ERBB4: variants seen among roughly 807,000 people sequenced by gnomAD.
ERBB4 encodes the protein receptor tyrosine-protein kinase erbB-4.
In ERBB4, 42 loss-of-function variants were observed where a neutral mutation model predicts 158.0. That is an observed-to-expected ratio of 0.27 (90% CI 0.21 to 0.34). The LOEUF is 0.34. Ranked by LOEUF, ERBB4 falls within the 10% of genes least tolerant of loss-of-function variation. ERBB4 has a pLI of 1.00. For synonymous variants in ERBB4, 583 were observed against 558.7 expected, an observed-to-expected ratio of 1.04 and a Z score of -0.61; for missense variants, 1,333 against 1,624.1, an observed-to-expected ratio of 0.82 and a Z score of 3.08.
chr2:212,006,169 G>T (rs1435140158), intron 2 of ERBB4, among the ~76,000 whole-genome samples: 1 of 152,080 alleles, frequency 6.6e-6, no homozygotes, highest in Non-Finnish European at 1.5e-5. Flanking sequence ...GTGTTTGGAG[G>T]TATTTAGAAG....
intron 1 of ERBB4, among the ~76,000 whole-genome samples, chr2:212,527,894 C>T (rs1692537854): frequency 7.1e-6 from 1 of 141,344 alleles, no homozygotes; most frequent in East Asian, 2.1e-4. Context: ...TGATGTTCCC[C>T]TTCCTGTGTC....
chr2:212,494,340 A>C (rs188007774), intron 1 of ERBB4, among the ~76,000 whole-genome samples: 67 of 152,156 alleles, frequency 4.4e-4, no homozygotes, highest in Non-Finnish European at 2.9e-5. Context: ...TAACTTTGAA[A>C]TGTGCACACA....
chr2:211,406,184 T>C (rs1327300554), intron 25 of ERBB4, among the ~76,000 whole-genome samples: 1 of 152,222 alleles, frequency 6.6e-6, no homozygotes, highest in Non-Finnish European at 1.5e-5. Context: ...GTCCCTATTA[T>C]AACACTTTCT....
intron 12 of ERBB4, among the ~76,000 whole-genome samples, chr2:211,698,091 C>T (rs140379936): frequency 3.9e-5 from 6 of 151,988 alleles, no homozygotes; most frequent in East Asian, 1.9e-4. Context: ...CCGAGGCGGG[C>T]GGATCACCTG....
rs144045063 is a variant in ERBB4, at chr2:211,960,294, C to A, written c.235-12678G>T. ...GGCTCAAGAACCAATTGGAAGAGAC[C>A]CTTCCTGGCCAATGATGAGGTAACT... On this transcript the variant is annotated intron_variant, in intron 2 of 27. Transcript: ENST00000342788. 1.2e-3 allele frequency among the ~76,000 whole-genome samples: 179 copies of A among 152,024 alleles called. 1 individual carries two copies. Among genetic ancestry groups the A allele is most frequent in the Middle Eastern group, 0.01 (3 of 294 alleles).
chr2:212,493,302 T>C (rs1029019092), intron 1 of ERBB4, among the ~76,000 whole-genome samples: 7 of 151,560 alleles, frequency 4.6e-5, no homozygotes, highest in African/African-American at 1.7e-4. Flanking sequence ...AATCATCTTA[T>C]ATATATTCAA....
rs1204127479 is a variant in ERBB4 at position 211,891,711 on chromosome 2, A to G, written c.421+55719T>C. Among the ~76,000 whole-genome samples, 5 of 138,580 alleles carry G rather than the reference A, an allele frequency of 3.6e-5. 1 individual carries two copies. Among genetic ancestry groups the G allele is most frequent in the Non-Finnish European group, 7.7e-5 (5 of 64,722 alleles). 90.9% of individuals were successfully genotyped at this position (138,580 alleles called of 152,430 possible). On this transcript the variant is annotated intron_variant, in intron 3 of 27. Transcript: ENST00000342788. ...AAGAATCAAATAGACACAATAAAAA[A>G]TGATAAACGGGATATCACCACCGAT...
chr2:211,920,460 C>T (rs1412663999), intron 3 of ERBB4, among the ~76,000 whole-genome samples: 2 of 151,894 alleles, frequency 1.3e-5, no homozygotes, highest in African/African-American at 4.8e-5. Context: ...GGTACTTTTA[C>T]TCTGAGCTGT....
intron 20 of ERBB4, among the ~76,000 whole-genome samples, chr2:211,485,657 G>C (rs1180688005): frequency 6.8e-6 from 1 of 147,220 alleles, no homozygotes; most frequent in East Asian, 2.0e-4. Context: ...TTCTTTAAAG[G>C]GATTATGCTT....
intron 1 of ERBB4, among the ~76,000 whole-genome samples, chr2:212,416,666 A>T (rs955681683): frequency 4.6e-5 from 7 of 152,026 alleles, no homozygotes; most frequent in Non-Finnish European, 1.0e-4. Context: ...CAACCCTTAC[A>T]TCATTATTAG....
At chr2:211,625,694 A>G (rs1448594568) in intron 17 of ERBB4, among the ~76,000 whole-genome samples, 1 of 152,164 alleles carries the variant, frequency 6.6e-6, no homozygotes, top group Non-Finnish European at 1.5e-5. Context: ...ACTCAACCAT[A>G]CAGGAATTGT....
intron 24 of ERBB4, among the ~76,000 whole-genome samples, chr2:211,421,305 CTG>C (rs1482129825): frequency 6.6e-6 from 1 of 151,804 alleles, no homozygotes; most frequent in East Asian, 1.9e-4. Flanking sequence ...TTATGTCAGA[CTG>C]TCGATATGAA....
chr2:211,565,868 T>C (rs1246600612), intron 19 of ERBB4, among the ~76,000 whole-genome samples: 4 of 152,156 alleles, frequency 2.6e-5, no homozygotes, highest in Admixed American at 6.5e-5. Flanking sequence ...TCAAAAGACT[T>C]TTTGTTTCTG....
intron 20 of ERBB4, among the ~76,000 whole-genome samples, chr2:211,510,298 C>T (rs7575295): frequency 0.018 from 2,771 of 152,022 alleles, 100 homozygotes; most frequent in African/African-American, 0.063. Context: ...ATAATAAACA[C>T]GGGGCACTCT....
At chr2:212,311,473 G>T (rs2087041871) in intron 1 of ERBB4, among the ~76,000 whole-genome samples, 1 of 150,762 alleles carries the variant, frequency 6.6e-6, no homozygotes, top group African/African-American at 2.4e-5. Flanking sequence ...AGAACAGGCT[G>T]TTGACTGCCC....
At chr2:212,432,460 T>G (rs977071663) in intron 1 of ERBB4, among the ~76,000 whole-genome samples, 2 of 152,122 alleles carry the variant, frequency 1.3e-5, no homozygotes, top group Admixed American at 1.3e-4. Context: ...AATCAGTTTA[T>G]GTCTAAAACT....
chr2:211,560,812 C>T (rs1414299269), intron 20 of ERBB4, among the ~76,000 whole-genome samples: 2 of 152,084 alleles, frequency 1.3e-5, no homozygotes, highest in Admixed American at 1.3e-4. Flanking sequence ...TAGAACTAAG[C>T]TGAGCTTTTC....
rs1436038836 is a variant in ERBB4 at position 211,378,199 on chromosome 2, T to TAACA, written c.*5412_*5415dup. On this transcript the variant is annotated 3_prime_UTR_variant, in exon 28 of 28. Transcript: ENST00000342788. Reference sequence around the variant, plus strand: ...GAGAAATACATTTTTCTTTGATTCCTAACAAGGTAATCACTTACTTGCAAA... The same window carrying TAACA: ...GAGAAATACATTTTTCTTTGATTCCTAACAAACAAGGTAATCACTTACTTGCAAA... The TAACA allele has an allele frequency of 1.3e-5, 3 of 233,020 alleles. No homozygotes were observed. Among genetic ancestry groups the TAACA allele is most frequent in the Non-Finnish European group, 2.5e-5 (3 of 117,686 alleles). 14.4% of individuals were successfully genotyped at this position (233,020 alleles called of 1,614,324 possible).
In ERBB4 at chr2:212,002,995, A is replaced by G. The variant is rs2076141428; in HGVS notation, c.235-55379T>C. The stretch of plus-strand genomic sequence containing the variant: ...AATTGCTTGAACCCGGGAGGCGGAG[A>G]GTGGACTGAGATTGTGCCACTGCAC... On this transcript the variant is annotated intron_variant, in intron 2 of 27. Coordinates refer to ENST00000342788, the MANE Select transcript of ERBB4 (RefSeq NM_005235.3). 2.7e-5 allele frequency among the ~76,000 whole-genome samples: 4 copies of G among 150,576 alleles called. No homozygotes were observed. In the South Asian group the frequency reaches 8.5e-4, roughly 32 times the overall value.
Sources: allele counts gnomAD v4.1 joint callset (sites outside exome capture counted in the v4.1 genomes callset), GRCh38; gene constraint gnomAD v4.1.1; transcripts MANE v1.5; gene names NCBI Gene and HGNC (gene_info 2026-07-23, HGNC 2026-07-21).